ADARB2: variants seen among roughly 807,000 people sequenced by gnomAD.
ADARB2 encodes the protein adenosine deaminase RNA specific B2 (inactive), also known as inactive double-stranded RNA-specific editase B2.
A neutral mutation model predicts 62.2 loss-of-function variants in ADARB2; 25 were observed. The observed-to-expected ratio is 0.40, with a 90% CI of 0.29 to 0.56. ADARB2 has a LOEUF of 0.56. ADARB2 is among the 20% of genes least tolerant of loss of function. The pLI is 0.43. For synonymous variants in ADARB2, 572 were observed against 500.8 expected, an observed-to-expected ratio of 1.14 and a Z score of -1.90; for missense variants, 1,071 against 1,077.4, an observed-to-expected ratio of 0.99 and a Z score of 0.08.
chr10:1,525,678 G>A (rs1564317172), intron 1 of ADARB2, among the ~76,000 whole-genome samples: 1 of 152,318 alleles, frequency 6.6e-6, no homozygotes, highest in South Asian at 2.1e-4. Flanking sequence ...TGCAGAAGAC[G>A]CCCACCATTT....
intron 1 of ADARB2, among the ~76,000 whole-genome samples, chr10:1,432,142 T>C (rs1830782497): frequency 6.6e-6 from 1 of 152,176 alleles, no homozygotes; most frequent in African/African-American, 2.4e-5. Flanking sequence ...ATGTTACTTA[T>C]TTTATGTCTC....
chr10:1,282,257 G>A (rs1227235923), intron 3 of ADARB2, among the ~76,000 whole-genome samples: 2 of 152,178 alleles, frequency 1.3e-5, no homozygotes, highest in African/African-American at 4.8e-5. Context: ...AAATATTTCT[G>A]TGCTTGGCCA....
chr10:1,731,223 T>A (rs1835228177), intron 1 of ADARB2, among the ~76,000 whole-genome samples: 1 of 152,216 alleles, frequency 6.6e-6, no homozygotes, highest in Non-Finnish European at 1.5e-5. Context: ...CAGATGGAGA[T>A]TCAGGGCCTA....
intron 1 of ADARB2, among the ~76,000 whole-genome samples, chr10:1,389,402 C>T (rs569364233): frequency 7.2e-5 from 11 of 152,170 alleles, no homozygotes; most frequent in Admixed American, 1.3e-4. Context: ...TGTTTTGTAT[C>T]CAGAATATAA....
chr10:1,222,329 A>T (rs1589156333), intron 6 of ADARB2, among the ~76,000 whole-genome samples: 1 of 152,094 alleles, frequency 6.6e-6, no homozygotes, highest in South Asian at 2.1e-4. Flanking sequence ...TTGTCAGATG[A>T]GTAGGTTGCA....
At chr10:1,716,714 A>C (rs182685939) in intron 1 of ADARB2, among the ~76,000 whole-genome samples, 191 of 152,318 alleles carry the variant, frequency 1.3e-3, no homozygotes, top group African/African-American at 4.4e-3. Context: ...ATGAAAGTTG[A>C]TTTGGAAATT....
intron 6 of ADARB2, among the ~76,000 whole-genome samples, chr10:1,221,389 T>C (rs1325680319): frequency 2.0e-5 from 3 of 149,448 alleles, no homozygotes; most frequent in Admixed American, 6.7e-5. Context: ...GGATAGTTTT[T>C]AGATGCTCAT....
intron 1 of ADARB2, among the ~76,000 whole-genome samples, chr10:1,671,974 TG>T (rs1285900789): frequency 6.6e-6 from 1 of 152,094 alleles, no homozygotes; most frequent in African/African-American, 2.4e-5. Flanking sequence ...CACATGCCCC[TG>T]TTCATGCACA....
At chr10:1,199,060 T>C (rs1049731599) in intron 8 of ADARB2, among the ~76,000 whole-genome samples, 1 of 152,222 alleles carries the variant, frequency 6.6e-6, no homozygotes, top group African/African-American at 2.4e-5. Flanking sequence ...CTCTCCTTTC[T>C]GGGGCAGAGG....
chr10:1,578,676 C>CACACAG, intron 1 of ADARB2, among the ~76,000 whole-genome samples: 1 of 151,908 alleles, frequency 6.6e-6, no homozygotes, highest in Admixed American at 6.6e-5. Context: ...CACACACACA[C>CACACAG]AGAGAGAAGT....
intron 6 of ADARB2, among the ~76,000 whole-genome samples, chr10:1,232,665 A>C (rs908124698): frequency 1.4e-5 from 2 of 146,020 alleles, no homozygotes; most frequent in Non-Finnish European, 3.0e-5. Flanking sequence ...TGTGGTATGC[A>C]TGTGGTGCTT....
intron 7 of ADARB2, among the ~76,000 whole-genome samples, chr10:1,207,030 G>A (rs1335683037): frequency 1.3e-5 from 2 of 152,210 alleles, no homozygotes; most frequent in African/African-American, 4.8e-5. Context: ...ATTGATCACT[G>A]CTTCTTTCCT....
intron 1 of ADARB2, among the ~76,000 whole-genome samples, chr10:1,519,405 C>T (rs73582382): frequency 0.032 from 4,820 of 152,244 alleles, 237 homozygotes; most frequent in African/African-American, 0.11. Flanking sequence ...CATATGCATG[C>T]GTTTGTGTAG....
intron 1 of ADARB2, among the ~76,000 whole-genome samples, chr10:1,647,702 A>G (rs1015968765): frequency 4.0e-5 from 6 of 151,772 alleles, no homozygotes; most frequent in Non-Finnish European, 4.4e-5. Flanking sequence ...GTGTGCATAT[A>G]TGTGTGTATA....
chr10:1,213,194 GAC>G (rs1837180997), intron 7 of ADARB2, among the ~76,000 whole-genome samples: 1 of 151,834 alleles, frequency 6.6e-6, no homozygotes, highest in African/African-American at 2.4e-5. Context: ...GAGATAAAAA[GAC>G]AAAGAGAGAC....
At chr10:1,601,093 G>T (rs1162893612) in intron 1 of ADARB2, among the ~76,000 whole-genome samples, 1 of 152,338 alleles carries the variant, frequency 6.6e-6, no homozygotes, top group East Asian at 1.9e-4. Context: ...AGTTCAGACA[G>T]GTTTGCATTG....
intron 1 of ADARB2, among the ~76,000 whole-genome samples, chr10:1,528,257 C>G (rs1462443979): frequency 7.9e-5 from 12 of 152,250 alleles, no homozygotes; most frequent in Admixed American, 7.9e-4. Flanking sequence ...ACTTCCTAAA[C>G]TGCTGGTCTA....
chr10:1,718,549 G>A (rs950024067), intron 1 of ADARB2, among the ~76,000 whole-genome samples: 2 of 152,344 alleles, frequency 1.3e-5, no homozygotes, highest in East Asian at 3.9e-4. Context: ...GGGCTGTCCT[G>A]TACCTCCTGC....
chr10:1,719,267 C>G (rs1260354281), intron 1 of ADARB2, among the ~76,000 whole-genome samples: 2 of 152,136 alleles, frequency 1.3e-5, no homozygotes, highest in African/African-American at 2.4e-5. Context: ...CCTGGCCCAC[C>G]TTTACCTTCT....
Sources: gnomAD v4.1 joint callset for allele counts (sites outside exome capture counted in the v4.1 genomes callset) on GRCh38, gnomAD v4.1.1 for gene constraint, MANE v1.5 for transcripts, NCBI Gene and HGNC (gene_info 2026-07-23, HGNC 2026-07-21) for gene names.